Variants in YTHDF1 observed in about 807,000 individuals in gnomAD.
The protein encoded by YTHDF1 is YTH domain-containing family protein 1.
YTHDF1 carries 16 observed loss-of-function variants against 49.1 expected under a neutral mutation model. That is an observed-to-expected ratio of 0.33 (90% CI 0.22 to 0.49). The LOEUF (loss-of-function observed/expected upper bound fraction) is 0.49, where lower values mean the gene tolerates loss of function less well. Ranked by LOEUF, YTHDF1 falls within the 20% of genes least tolerant of loss-of-function variation. The probability of loss-of-function intolerance (pLI) is 0.99; values close to 1 mark genes in which losing one functional copy is unlikely to be tolerated. For synonymous variants in YTHDF1, 313 were observed against 290.1 expected (o/e 1.08, Z -0.80); for missense variants, 621 against 744.3 (o/e 0.83, Z 1.93).
In YTHDF1 at chr20:63,202,444, T is replaced by C. The variant is rs1477367769; in HGVS notation, c.1496A>G (p.Asn499Ser). The change falls in exon 4 of 5, where the codon AAC becomes AGC. Residue 499 changes from asparagine (N) to serine (S), a missense_variant. By Grantham distance (46) the Asn-to-Ser change is conservative. This residue lies in a region of YTHDF1 where 151 missense variants were observed against 248.5 expected (regional missense o/e 0.61). Coordinates refer to ENST00000370339, the MANE Select transcript of YTHDF1 (RefSeq NM_017798.4). Reference sequence around the variant, plus strand: ...GTCCCGGGAGTTTGTGACCGGTTTGTTGTCGTTATTCTCCAGCCTGATGTG... The same window carrying C: ...GTCCCGGGAGTTTGTGACCGGTTTGCTGTCGTTATTCTCCAGCCTGATGTG... ...LRHIRLENND[N>S]KPVTNSRDTQ... 6.2e-7 allele frequency: 1 copy of C among 1,611,416 alleles called. No homozygotes were observed. The highest frequency in any genetic ancestry group is 8.5e-7 in the Non-Finnish European group (1 of 1,177,616).
Position 63,209,659 on chromosome 20 carries a change from G to A in YTHDF1, c.132+4205C>T, listed in dbSNP as rs918425534. The stretch of plus-strand genomic sequence containing the variant: ...CACTTGGGCCCAGGAGGTCAAGGCT[G>A]CAATGAGTCATGACTGCACTTCCGC... On this transcript the variant is annotated intron_variant, in intron 3 of 4. Transcript: ENST00000370339. Among the ~76,000 whole-genome samples, 4 of 152,236 alleles carry A rather than the reference G, an allele frequency of 2.6e-5. No individual in the cohort carries two copies. The East Asian group carries it at 7.7e-4, about 29-fold the overall frequency.
At chr20:63,208,683 G>A (rs996758637) in intron 3 of YTHDF1, among the ~76,000 whole-genome samples, 4 of 152,180 alleles carry the variant, frequency 2.6e-5, no homozygotes, top group African/African-American at 9.7e-5. Flanking sequence ...TACTTAGCAG[G>A]CGCTGCCACT....
chr20:63,210,539 T>G (rs905967104), intron 3 of YTHDF1, among the ~76,000 whole-genome samples: 1 of 151,986 alleles, frequency 6.6e-6, no homozygotes, highest in African/African-American at 2.4e-5. Context: ...ATCCCAGCAC[T>G]GTGGGAGGCT....
Position 63,203,869 on chromosome 20 carries a change from C to T in YTHDF1, c.133-62G>A, listed in dbSNP as rs930647327. 1 of 1,485,716 alleles carries T rather than the reference C, an allele frequency of 6.7e-7. No individual in the cohort carries two copies. The highest frequency in any genetic ancestry group is 1.3e-5 in the South Asian group (1 of 75,716). The allele number at this position is 1,485,716 out of a possible 1,614,324, so 92.0% of individuals were successfully genotyped here. ...CAACACGAGATGCTGAGAATGCCAA[C>T]CGCCTCTTGCTTAAGCACAGGTGGA... On this transcript the variant is annotated intron_variant, in intron 3 of 4. Transcript: ENST00000370339. The surrounding 1 kb of genome is among the most constrained non-coding windows in gnomAD (Gnocchi z 4.4).
At position 63,207,273 on chromosome 20, in the gene YTHDF1, C is replaced by T. The variant is rs539501363; in HGVS notation, c.133-3466G>A. ...CACAAGGTCAGGAGATCAAGACCATCCTGGCTAACACTGTAAAACCCCCCT... is the reference window on the plus strand; with the variant it reads ...CACAAGGTCAGGAGATCAAGACCATTCTGGCTAACACTGTAAAACCCCCCT... On this transcript the variant is annotated intron_variant, in intron 3 of 4. Transcript: ENST00000370339. Among the ~76,000 whole-genome samples the T allele has an allele frequency of 2.2e-3, 332 of 151,920 alleles. 4 individuals are homozygous for T. Among genetic ancestry groups the T allele is most frequent in the South Asian group, 8.3e-4 (4 of 4,800 alleles).
Position 63,196,354 on chromosome 20 carries a change from A to G in YTHDF1, c.*354T>C, listed in dbSNP as rs998087180. ...GGTTTCTTATGTTTGCTAAAAAGCA[A>G]TAAAGGGATGAGAAATATGAAGTCT... On this transcript the variant is annotated 3_prime_UTR_variant, in exon 5 of 5. Transcript: ENST00000370339. 5 of 184,724 alleles carry G rather than the reference A, an allele frequency of 2.7e-5. No individual in the cohort carries two copies. Among genetic ancestry groups the G allele is most frequent in the Non-Finnish European group, 5.6e-5 (5 of 89,652 alleles). 11.4% of individuals were successfully genotyped at this position (184,724 alleles called of 1,614,324 possible). A position where few individuals can be genotyped will look rare whatever the true frequency, so the allele number is the denominator to read the frequency against.
chr20:63,196,835 C>G, intron 4 of YTHDF1, 101 bp from the exon 5 acceptor site: 1 of 1,403,044 alleles, frequency 7.1e-7, no homozygotes, highest in Non-Finnish European at 9.9e-7. Context: ...ACCTGCAAAT[C>G]TGGAGGCGGG....
intron 3 of YTHDF1, among the ~76,000 whole-genome samples, chr20:63,210,582 G>A (rs1022326630): frequency 2.6e-5 from 4 of 151,970 alleles, no homozygotes; most frequent in Non-Finnish European, 2.9e-5. Flanking sequence ...TCGGGAGTTC[G>A]AGACCAGCCT....
intron 4 of YTHDF1, among the ~76,000 whole-genome samples, chr20:63,198,471 T>C (rs1317293648): frequency 1.3e-5 from 2 of 151,570 alleles, no homozygotes; most frequent in Non-Finnish European, 2.9e-5. Context: ...AAAGAGGTAC[T>C]GCTGTTCCTA....
chr20:63,203,884 G>A lies in YTHDF1; in HGVS notation c.133-77C>T, dbSNP rs2066532225. ...AGAATGCCAACCGCCTCTTGCTTAA[G>A]CACAGGTGGAGCAAAAACAAAACCT... On this transcript the variant is annotated intron_variant, in intron 3 of 4. Transcript: ENST00000370339. The surrounding 1 kb of genome is among the most constrained non-coding windows in gnomAD (Gnocchi z 4.4). 6.3e-6 allele frequency: 9 copies of A among 1,421,554 alleles called. No homozygotes were observed. Among genetic ancestry groups the A allele is most frequent in the Admixed American group, 2.4e-5 (1 of 41,668 alleles). The allele number at this position is 1,421,554 out of a possible 1,614,324, so 88.1% of individuals were successfully genotyped here. A position where few individuals can be genotyped will look rare whatever the true frequency, so the allele number is the denominator to read the frequency against.
intron 2 of YTHDF1, 134 bp from the exon 3 acceptor site, chr20:63,214,077 C>A (rs2066589317): frequency 1.4e-6 from 2 of 1,424,434 alleles, no homozygotes; most frequent in Non-Finnish European, 1.8e-6. Context: ...AGGAGTACAA[C>A]CAGTATAGAA....
chr20:63,203,358 G>A lies in YTHDF1; in HGVS notation c.582C>T (p.Asp194=), dbSNP rs369257785. 27 of 1,613,080 alleles carry A rather than the reference G, an allele frequency of 1.7e-5. No individual in the cohort carries two copies. The highest frequency in any genetic ancestry group is 1.1e-4 in the African/African-American group (8 of 75,028). The change falls in exon 4 of 5, where the codon GAC becomes GAT. Residue 194 remains aspartate, a synonymous_variant. Transcript: ENST00000370339. This position sits in a 1 kb window ranked among gnomAD's most constrained non-coding sequence, Gnocchi z 4.4. ...EQGMVGLKIG[D]VSSSAVKTVG... is the part of the protein sequence containing the mutation. ...CCGTCTTGACGGCGGAGGAGCTGACGTCCCCAATCTTCAGGCCAACCATGC... is the reference window on the plus strand; with the variant it reads ...CCGTCTTGACGGCGGAGGAGCTGACATCCCCAATCTTCAGGCCAACCATGC...
chr20:63,214,120 G>T, intron 2 of YTHDF1, 177 bp from the exon 3 acceptor site: 1 of 973,144 alleles, frequency 1.0e-6, no homozygotes, highest in South Asian at 4.8e-5. Flanking sequence ...GAAGGGGGAC[G>T]GGAAACTTTC....
chr20:63,212,386 TAGTTTTATTCCTTCACAGAGAA>T (rs1405842712), intron 3 of YTHDF1, among the ~76,000 whole-genome samples: 2 of 152,244 alleles, frequency 1.3e-5, no homozygotes, highest in Non-Finnish European at 2.9e-5. Flanking sequence ...AAGGGCAGAC[TAGTTTTATTCCTTCACAGAGAA>T]GAGGTGAAGC....
In YTHDF1 at chr20:63,201,258, C is replaced by G. The variant is rs147043350; in HGVS notation, c.1653+1029G>C. ...TATACATCCCTATATATGCCATGTA[C>G]ACGCCTTTCTGCCCAAAATACATTA... On this transcript the variant is annotated intron_variant, in intron 4 of 4. Coordinates refer to ENST00000370339, the MANE Select transcript of YTHDF1 (RefSeq NM_017798.4). Among the ~76,000 whole-genome samples the G allele has an allele frequency of 3.3e-5, 5 of 152,254 alleles. No homozygotes were observed. The East Asian group carries it at 9.6e-4, about 29-fold the overall frequency.
In YTHDF1 at chr20:63,215,675, A is replaced by G. The variant is rs2066598532; in HGVS notation, c.28-74T>C. 12 of 1,518,596 alleles carry G rather than the reference A, an allele frequency of 7.9e-6. 1 individual carries two copies. The South Asian group carries it at 1.2e-4, about 15-fold the overall frequency. The allele number at this position is 1,518,596 out of a possible 1,614,324, so 94.1% of individuals were successfully genotyped here. A position where few individuals can be genotyped will look rare whatever the true frequency, so the allele number is the denominator to read the frequency against. ...AGGGAAACACAAAGTTATTCACCAGAGAACTGGTCTCCAACGGGCCGCGAG... is the reference window on the plus strand; with the variant it reads ...AGGGAAACACAAAGTTATTCACCAGGGAACTGGTCTCCAACGGGCCGCGAG... On this transcript the variant is annotated intron_variant, in intron 1 of 4. Transcript: ENST00000370339.
chr20:63,199,924 G>C (rs1169479485), intron 4 of YTHDF1, among the ~76,000 whole-genome samples: 3 of 152,012 alleles, frequency 2.0e-5, no homozygotes, highest in Non-Finnish European at 2.9e-5. Context: ...GCCAGGCGTG[G>C]TGGTGCACGC....
chr20:63,203,312 C>A lies in YTHDF1; in HGVS notation c.628G>T (p.Val210Leu), dbSNP rs560883876. The change falls in exon 4 of 5, where the codon GTG becomes TTG. Residue 210 changes from valine to leucine, a missense_variant. Physicochemically the swap from Val to Leu is conservative, Grantham distance 32. Transcript: ENST00000370339. This position sits in a 1 kb window ranked among gnomAD's most constrained non-coding sequence, Gnocchi z 4.4. The stretch of plus-strand genomic sequence containing the variant: ...CCAGAAAGGACACCAGTCAGTGCCA[C>A]GCTGCTGACGACAGAGCCCACCGTC... ...VKTVGSVVSS[V>L]ALTGVLSGNG... The A allele has an allele frequency of 3.7e-6, 6 of 1,613,640 alleles. No homozygotes were observed. The East Asian group carries it at 1.3e-4, about 36-fold the overall frequency.
chr20:63,205,139 C>T (rs570267565), intron 3 of YTHDF1, among the ~76,000 whole-genome samples: 51 of 152,262 alleles, frequency 3.3e-4, no homozygotes, highest in African/African-American at 1.2e-3. Context: ...AGAGAATATG[C>T]TCCAGACCTC....
Sources: allele counts gnomAD v4.1 joint callset (sites outside exome capture counted in the v4.1 genomes callset), GRCh38; gene constraint gnomAD v4.1.1; regional missense constraint gnomAD v4.1.1; non-coding constraint Gnocchi (gnomAD v3.1); transcripts MANE v1.5; gene names NCBI Gene and HGNC (gene_info 2026-07-23, HGNC 2026-07-21).